ARFGAP3: variants seen among roughly 807,000 people sequenced by gnomAD.
ARFGAP3 encodes the protein ARF GTPase activating protein 3.
A neutral mutation model predicts 75.0 loss-of-function variants in ARFGAP3; 72 were observed. The ratio of observed to expected loss-of-function variants is 0.96; its 90% confidence interval spans 0.79 to 1.17. ARFGAP3 has a LOEUF of 1.17. Ranked by LOEUF, ARFGAP3 falls within the 50% of genes most tolerant of loss-of-function variation. The probability of loss-of-function intolerance (pLI) is 0.00; values close to 1 mark genes in which losing one functional copy is unlikely to be tolerated. For synonymous variants in ARFGAP3, 221 were observed against 217.9 expected (o/e 1.01, Z -0.13); for missense variants, 620 against 626.6 (o/e 0.99, Z 0.11).
chr22:42,819,540 G>A (rs1193945440), intron 9 of ARFGAP3, among the ~76,000 whole-genome samples: 1 of 148,974 alleles, frequency 6.7e-6, no homozygotes, highest in African/African-American at 2.6e-5. Flanking sequence ...GAGTGCTTAC[G>A]GGTACTGGCT....
At chr22:42,826,377 T>C (rs568574970) in intron 7 of ARFGAP3, among the ~76,000 whole-genome samples, 3 of 151,502 alleles carry the variant, frequency 2.0e-5, no homozygotes, top group East Asian at 3.9e-4. Flanking sequence ...AATGTGCACA[T>C]TGCTGCTTTT....
Position 42,823,641 on chromosome 22 carries a change from G to A in ARFGAP3, c.672+15C>T. On this transcript the variant is annotated intron_variant, in intron 8 of 15. Transcript: ENST00000263245. ...TAACTACCAGATTTTTATATATAAAGTACATAATACTCACGCCTTTTTTAG... is the reference window on the plus strand; with the variant it reads ...TAACTACCAGATTTTTATATATAAAATACATAATACTCACGCCTTTTTTAG... The A allele has an allele frequency of 6.6e-7, 1 of 1,523,394 alleles. No homozygotes were observed. The highest frequency in any genetic ancestry group is 8.9e-7 in the Non-Finnish European group (1 of 1,123,640). The allele number at this position is 1,523,394 out of a possible 1,614,324, so 94.4% of individuals were successfully genotyped here.
chr22:42,809,559 G>T (rs1233348153), intron 12 of ARFGAP3, among the ~76,000 whole-genome samples: 1 of 152,070 alleles, frequency 6.6e-6, no homozygotes, highest in Admixed American at 6.5e-5. Flanking sequence ...GGGCAGGGGA[G>T]GGGGGACTAC....
At chr22:42,808,741 C>G in intron 13 of ARFGAP3, 26 bp downstream of exon 13, 1 of 1,570,906 alleles carries the variant, frequency 6.4e-7, no homozygotes, top group Non-Finnish European at 8.7e-7. Context: ...TTATGGGGCA[C>G]CCAAAGAAAC....
At chr22:42,839,321 G>A (rs986742401) in intron 3 of ARFGAP3, among the ~76,000 whole-genome samples, 2 of 151,260 alleles carry the variant, frequency 1.3e-5, no homozygotes, top group Non-Finnish European at 2.9e-5. Context: ...TTTTTTGGTC[G>A]GGTGCTGTGG....
chr22:42,830,344 C>A (rs1438690884), intron 6 of ARFGAP3, among the ~76,000 whole-genome samples: 1 of 152,060 alleles, frequency 6.6e-6, no homozygotes, highest in Non-Finnish European at 1.5e-5. Context: ...CCTCTCTCTC[C>A]TAGGACTACT....
chr22:42,851,543 T>C (rs1927277165), intron 1 of ARFGAP3, among the ~76,000 whole-genome samples: 1 of 152,216 alleles, frequency 6.6e-6, no homozygotes, highest in Non-Finnish European at 1.5e-5. Flanking sequence ...ATGCACATGG[T>C]GGAGCAGTTT....
At chr22:42,828,170 C>T (rs1209204394) in intron 6 of ARFGAP3, among the ~76,000 whole-genome samples, 1 of 152,018 alleles carries the variant, frequency 6.6e-6, no homozygotes, top group African/African-American at 2.4e-5. Flanking sequence ...CGCCTGTAAT[C>T]CCAGCACTTC....
At position 42,802,194 on chromosome 22, in the gene ARFGAP3, G is replaced by A. The variant is rs544395090; in HGVS notation, c.1412-3034C>T. On this transcript the variant is annotated intron_variant, in intron 14 of 15. Transcript: ENST00000263245. ...GGGTTGTGGCCACGTTTCAGGTCTG[G>A]AGTCACCCAGGAGAGATTCTGATCA... Among the ~76,000 whole-genome samples, 3 of 152,192 alleles carry A rather than the reference G, an allele frequency of 2.0e-5. No homozygotes were observed. The East Asian group carries it at 5.8e-4, about 29-fold the overall frequency.
intron 7 of ARFGAP3, among the ~76,000 whole-genome samples, chr22:42,825,909 T>C (rs1343307305): frequency 1.3e-5 from 2 of 152,164 alleles, no homozygotes; most frequent in Non-Finnish European, 2.9e-5. Flanking sequence ...TAGGAAAAGA[T>C]AGCATAAAGC....
intron 8 of ARFGAP3, 123 bp downstream of exon 8, chr22:42,823,533 C>G: frequency 1.5e-6 from 1 of 661,592 alleles, no homozygotes. Flanking sequence ...AACATAGACT[C>G]CTTATATCAA....
intron 14 of ARFGAP3, among the ~76,000 whole-genome samples, chr22:42,800,868 C>T (rs1334011753): frequency 2.0e-5 from 3 of 152,240 alleles, no homozygotes; most frequent in Non-Finnish European, 2.9e-5. Flanking sequence ...CAGGAAATGA[C>T]AGTTCCAGCC....
At chr22:42,803,789 A>G (rs868423940) in intron 14 of ARFGAP3, among the ~76,000 whole-genome samples, 20 of 152,156 alleles carry the variant, frequency 1.3e-4, no homozygotes, top group African/African-American at 4.8e-4. Context: ...TGGGCTAGAA[A>G]CACCCCCAGA....
Position 42,802,333 on chromosome 22 carries a change from T to C in ARFGAP3, c.1412-3173A>G, listed in dbSNP as rs1347332299. ...CAGAGTCTCGCTGTGTCACCCAGAC[T>C]GGAGTGTAGTGGCGCGATCTTAGCT... On this transcript the variant is annotated intron_variant, in intron 14 of 15. Transcript: ENST00000263245. Among the ~76,000 whole-genome samples the C allele has an allele frequency of 2.0e-5, 3 of 151,852 alleles. No homozygotes were observed. In the East Asian group the frequency reaches 5.8e-4, roughly 29 times the overall value.
rs1176810336 is a variant in ARFGAP3 at position 42,847,583 on chromosome 22, T to C, written c.119A>G (p.Tyr40Cys). 7 of 1,613,694 alleles carry C rather than the reference T, an allele frequency of 4.3e-6. No homozygotes were observed. In the South Asian group the frequency reaches 5.5e-5, roughly 13 times the overall value. Residue 40 changes from tyrosine (Y) to cysteine (C), a missense_variant, in exon 2 of 16, where the codon TAT becomes TGT. Physicochemically the swap from Tyr to Cys is radical, Grantham distance 194 (BLOSUM62 -2). Transcript: ENST00000263245. Reference protein sequence around the residue: ...AKNPSWASITYGVFLCIDCSG... With the variant: ...AKNPSWASITCGVFLCIDCSG... Reference sequence around the variant, plus strand: ...GCAATCAATGCAAAGGAACACTCCATAGGTTATGCTTGCCCAGCTGGGATT... The same window carrying C: ...GCAATCAATGCAAAGGAACACTCCACAGGTTATGCTTGCCCAGCTGGGATT...
chr22:42,849,089 G>C (rs949842806), intron 1 of ARFGAP3, among the ~76,000 whole-genome samples: 4 of 152,156 alleles, frequency 2.6e-5, no homozygotes, highest in Non-Finnish European at 5.9e-5. Context: ...TGCCAGCGAG[G>C]AGAGGAGGCC....
chr22:42,848,140 A>T (rs1927105846), intron 1 of ARFGAP3, among the ~76,000 whole-genome samples: 1 of 152,096 alleles, frequency 6.6e-6, no homozygotes, highest in Non-Finnish European at 1.5e-5. Context: ...TTGGGATTAC[A>T]GGCACGAGCC....
At position 42,831,548 on chromosome 22, in the gene ARFGAP3, C is replaced by T; in HGVS notation, c.565+1G>A. The T allele has an allele frequency of 1.2e-6, 2 of 1,613,348 alleles. No individual in the cohort carries two copies. Among genetic ancestry groups the T allele is most frequent in the African/African-American group, 1.3e-5 (1 of 74,938 alleles). ...TTACATGACAGTTCTAAGGACTCCACCTTCATTATTTTCCAAAGTGGTTTC... is the reference window on the plus strand; with the variant it reads ...TTACATGACAGTTCTAAGGACTCCATCTTCATTATTTTCCAAAGTGGTTTC... On this transcript the variant is annotated splice_donor_variant, in intron 6 of 15. Transcript: ENST00000263245. LOFTEE classifies it high-confidence loss of function.
At chr22:42,836,643 G>T (rs1476536573) in intron 3 of ARFGAP3, among the ~76,000 whole-genome samples, 1 of 152,128 alleles carries the variant, frequency 6.6e-6, no homozygotes, top group Non-Finnish European at 1.5e-5. Context: ...ATGAATTATA[G>T]AATTCATATC....
Sources: gnomAD v4.1 joint callset for allele counts (sites outside exome capture counted in the v4.1 genomes callset) on GRCh38, gnomAD v4.1.1 for gene constraint, MANE v1.5 for transcripts, NCBI Gene and HGNC (gene_info 2026-07-23, HGNC 2026-07-21) for gene names.